Variants in WWC1 observed in about 807,000 individuals in gnomAD.
The protein encoded by WWC1 is protein KIBRA.
In WWC1, 55 loss-of-function variants were observed where a neutral mutation model predicts 138.4. The ratio of observed to expected loss-of-function variants is 0.40; its 90% CI spans 0.32 to 0.50. WWC1 has a LOEUF of 0.50. Ranked by LOEUF, WWC1 falls within the 20% of genes least tolerant of loss-of-function variation. The probability of loss-of-function intolerance (pLI) is 0.72; values close to 1 mark genes in which losing one functional copy is unlikely to be tolerated. For missense variants in WWC1, 1,226 were observed against 1,420.4 expected (o/e 0.86, Z 2.20); for synonymous variants, 524 against 564.9 (o/e 0.93, Z 1.03).
chr5:168,365,862 C>T (rs1321087843), intron 1 of WWC1, among the ~76,000 whole-genome samples: 4 of 152,216 alleles, frequency 2.6e-5, no homozygotes, highest in African/African-American at 9.6e-5. Flanking sequence ...TCCCTTCTTG[C>T]CCCTCCAGCA....
At position 168,414,499 on chromosome 5, in the gene WWC1, G is replaced by T. The variant is rs548273973; in HGVS notation, c.1093G>T (p.Gly365Trp). 2.4e-5 allele frequency: 37 copies of T among 1,559,368 alleles called. No homozygotes were observed. Among genetic ancestry groups the T allele is most frequent in the Non-Finnish European group, 3.2e-5 (37 of 1,151,030 alleles). Residue 365 changes from glycine to tryptophan, a missense_variant, in exon 9 of 23, where the codon GGG becomes TGG. Around this residue, in one of 3 missense-constraint regions of WWC1, gnomAD observed 1,016 missense variants for 1,153.9 expected, o/e 0.88. Transcript: ENST00000265293. ...CATCAGCCCCCGCAAGTGGACCCAGGGGGAGGTGGAGCAGCTGGAGATGGC... is the reference window on the plus strand; with the variant it reads ...CATCAGCCCCCGCAAGTGGACCCAGTGGGAGGTGGAGCAGCTGGAGATGGC... ...RFISPRKWTQ[G>W]EVEQLEMARK...
At position 168,454,033 on chromosome 5, in the gene WWC1, AG is replaced by A. The variant is rs773066667; in HGVS notation, c.2593del (p.Glu865ArgfsTer21). The A allele has an allele frequency of 1.6e-5, 25 of 1,612,554 alleles. No individual in the cohort carries two copies. The East Asian group carries it at 5.6e-4, about 36-fold the overall frequency. On this transcript the variant is annotated frameshift_variant, in exon 18 of 23. Coordinates refer to ENST00000265293, the MANE Select transcript of WWC1 (RefSeq NM_015238.3). LOFTEE classifies it high-confidence loss of function. ...AEEEEEEVEEEEGEEDVFTEK... is the reference protein window; with the variant it reads ...AEEEEEEVEEXEGEEDVFTEK... ...GAAGAGGAGGAGGAGGTGGAGGAGG[AG>A]GAGGGAGAAGAGGATGTTTTCACCG... is the stretch of plus-strand genomic sequence containing the variant.
intron 2 of WWC1, among the ~76,000 whole-genome samples, chr5:168,373,199 C>G (rs1174029623): frequency 1.3e-5 from 2 of 152,110 alleles, no homozygotes; most frequent in Non-Finnish European, 2.9e-5. Context: ...TTTCCTGTTT[C>G]TAATTGCTGA....
chr5:168,343,959 G>A (rs1233273650), intron 1 of WWC1, among the ~76,000 whole-genome samples: 9 of 151,898 alleles, frequency 5.9e-5, no homozygotes, highest in African/African-American at 1.7e-4. Flanking sequence ...AATAATTCAC[G>A]TGCTTCCCCC....
At chr5:168,381,959 T>TA (rs142770187) in intron 2 of WWC1, among the ~76,000 whole-genome samples, 155 of 152,212 alleles carry the variant, frequency 1.0e-3, no homozygotes, top group African/African-American at 3.5e-3. Context: ...ATTAAAATTG[T>TA]AAGTGTGTGT....
chr5:168,428,654 A>G (rs946279740), intron 12 of WWC1, 53 bp from the exon 13 acceptor site: 12 of 1,571,226 alleles, frequency 7.6e-6, no homozygotes, highest in Non-Finnish European at 1.1e-5. Flanking sequence ...GCCTCCCAGA[A>G]TAGTTTGTTC....
intron 16 of WWC1, among the ~76,000 whole-genome samples, chr5:168,443,968 G>C (rs1755016037): frequency 6.6e-6 from 1 of 152,224 alleles, no homozygotes; most frequent in African/African-American, 2.4e-5. Flanking sequence ...GTCTCAGAGA[G>C]TTTAAATAAT....
chr5:168,407,485 T>C (rs1779884189), intron 6 of WWC1, among the ~76,000 whole-genome samples: 1 of 152,172 alleles, frequency 6.6e-6, no homozygotes, highest in Non-Finnish European at 1.5e-5. Context: ...ATGCTATAAA[T>C]GACTTAGTGA....
At chr5:168,311,841 C>A (rs1771115424) in intron 1 of WWC1, among the ~76,000 whole-genome samples, 1 of 150,286 alleles carries the variant, frequency 6.7e-6, no homozygotes, top group African/African-American at 2.5e-5. Flanking sequence ...TGTGCCACTG[C>A]ACTCCAGTCT....
chr5:168,314,523 C>T (rs567345240), intron 1 of WWC1, among the ~76,000 whole-genome samples: 133 of 152,064 alleles, frequency 8.7e-4, no homozygotes, highest in Non-Finnish European at 1.4e-3. Context: ...GCCGAGATTG[C>T]GCCATTGGAC....
At chr5:168,378,460 G>A (rs902882158) in intron 2 of WWC1, among the ~76,000 whole-genome samples, 2 of 151,980 alleles carry the variant, frequency 1.3e-5, no homozygotes, top group African/African-American at 2.4e-5. Flanking sequence ...AACACATAAT[G>A]GAAGTACCAT....
chr5:168,428,903 C>T, intron 13 of WWC1, 116 bp downstream of exon 13: 1 of 1,041,856 alleles, frequency 9.6e-7, no homozygotes. Context: ...GCAGCACCAG[C>T]AGGACCTGCT....
chr5:168,462,128 A>G (rs887336185), intron 20 of WWC1, among the ~76,000 whole-genome samples: 1 of 152,158 alleles, frequency 6.6e-6, no homozygotes, highest in African/African-American at 2.4e-5. Context: ...GATAGTGCCA[A>G]TAGCCCCCAG....
chr5:168,423,661 A>T lies in WWC1; in HGVS notation c.1403A>T (p.Asp468Val). Residue 468 changes from aspartate (D) to valine (V), a missense_variant, in exon 11 of 23, where the codon GAC becomes GTC. Physicochemically the swap from Asp to Val is radical, Grantham distance 152. Transcript: ENST00000265293. ...TSASFTDLYY[D>V]PFEQLDSELQ... Reference sequence around the variant, plus strand: ...GCCAGCTTCACTGACCTCTACTATGACCCCTTTGAGCAGCTGGACTCAGAG... The same window carrying T: ...GCCAGCTTCACTGACCTCTACTATGTCCCCTTTGAGCAGCTGGACTCAGAG... 6.2e-7 allele frequency: 1 copy of T among 1,613,886 alleles called. No homozygotes were observed. The highest frequency in any genetic ancestry group is 8.5e-7 in the Non-Finnish European group (1 of 1,179,984).
At chr5:168,373,719 T>TAAAAA (rs368930085) in intron 2 of WWC1, among the ~76,000 whole-genome samples, 9 of 52,648 alleles carry the variant, frequency 1.7e-4, no homozygotes, top group African/African-American at 3.3e-4. Context: ...CCTTGTCTCT[T>TAAAAA]AAAAAAAAAA....
chr5:168,336,378 C>T (rs1773451735), intron 1 of WWC1, among the ~76,000 whole-genome samples: 1 of 152,058 alleles, frequency 6.6e-6, no homozygotes, highest in Non-Finnish European at 1.5e-5. Context: ...CAAGACCACC[C>T]TGGTCAATGT....
chr5:168,384,035 T>C (rs1777850776), intron 2 of WWC1, among the ~76,000 whole-genome samples: 1 of 152,364 alleles, frequency 6.6e-6, no homozygotes, highest in East Asian at 1.9e-4. Context: ...ATATTGATTT[T>C]GATAGATAGT....
rs183342379 is a variant in WWC1 at position 168,303,294 on chromosome 5, A to G, written c.119+11023A>G. Among the ~76,000 whole-genome samples the G allele has an allele frequency of 5.2e-3, 791 of 152,262 alleles. 5 individuals are homozygous for G. The highest frequency in any genetic ancestry group is 0.02 in the Middle Eastern group (6 of 294). ...AAAATCCTGTGGGTTTTTCTTGTTCATTAAGAAATAAGGCACAGGAGGCCA... is the reference window on the plus strand; with the variant it reads ...AAAATCCTGTGGGTTTTTCTTGTTCGTTAAGAAATAAGGCACAGGAGGCCA... On this transcript the variant is annotated intron_variant, in intron 1 of 22. Transcript: ENST00000265293.
At chr5:168,332,737 C>T (rs1172689014) in intron 1 of WWC1, among the ~76,000 whole-genome samples, 2 of 151,256 alleles carry the variant, frequency 1.3e-5, no homozygotes, top group African/African-American at 4.9e-5. Flanking sequence ...GTGACAGGGT[C>T]TCACTCTGCC....
Sources: allele counts gnomAD v4.1 joint callset (sites outside exome capture counted in the v4.1 genomes callset), GRCh38; gene constraint gnomAD v4.1.1; regional missense constraint gnomAD v4.1.1; transcripts MANE v1.5; gene names NCBI Gene and HGNC (gene_info 2026-07-23, HGNC 2026-07-21).